The following SCAPER variants were observed in gnomAD, a reference collection of about 807,000 sequenced individuals.
The protein encoded by SCAPER is S phase cyclin A-associated protein in the endoplasmic reticulum.
In SCAPER, 98 loss-of-function variants were observed where a neutral mutation model predicts 182.2. That is an observed-to-expected ratio of 0.54 (90% CI 0.46 to 0.64). The LOEUF (loss-of-function observed/expected upper bound fraction) is 0.64. Ranked by LOEUF, SCAPER falls within the 30% of genes least tolerant of loss-of-function variation. The probability of loss-of-function intolerance (pLI) is 0.00; values close to 1 mark genes in which losing one functional copy is unlikely to be tolerated. For missense variants in SCAPER, 1,432 were observed against 1,690.0 expected (o/e 0.85, Z 2.68); for synonymous variants, 605 against 564.6 (o/e 1.07, Z -1.01).
At chr15:76,373,034 C>T (rs540266826) in intron 29 of SCAPER, among the ~76,000 whole-genome samples, 1 of 64,918 alleles carries the variant, frequency 1.5e-5, no homozygotes, top group African/African-American at 3.9e-5. Context: ...TCTTTCTTTC[C>T]TTTTTCTTTC....
intron 18 of SCAPER, among the ~76,000 whole-genome samples, chr15:76,705,437 T>C (rs571668129): frequency 2.7e-5 from 4 of 150,286 alleles, no homozygotes; most frequent in East Asian, 2.0e-4. Context: ...TTAGGAGATA[T>C]ACCTAATGCT....
At chr15:76,437,603 C>T (rs763744924) in intron 25 of SCAPER, among the ~76,000 whole-genome samples, 1 of 152,172 alleles carries the variant, frequency 6.6e-6, no homozygotes, top group Non-Finnish European at 1.5e-5. Flanking sequence ...GTTCTTCATT[C>T]ATCACAAATT....
At chr15:76,567,387 C>T (rs1287570949) in intron 23 of SCAPER, 1 of 454,334 alleles carries the variant, frequency 2.2e-6, no homozygotes, top group Admixed American at 2.4e-5. Context: ...ATATGCATTG[C>T]TTTCCATACA....
intron 8 of SCAPER, among the ~76,000 whole-genome samples, chr15:76,788,026 C>T (rs952415570): frequency 6.6e-6 from 1 of 152,140 alleles, no homozygotes; most frequent in Non-Finnish European, 1.5e-5. Flanking sequence ...TAGGCAAAGA[C>T]ATGAGCAAAC....
chr15:76,691,228 TG>T (rs1387725071), intron 20 of SCAPER, among the ~76,000 whole-genome samples: 1 of 151,902 alleles, frequency 6.6e-6, no homozygotes, highest in Non-Finnish European at 1.5e-5. Flanking sequence ...TTGATATAAT[TG>T]GAAAAAAATT....
intron 25 of SCAPER, among the ~76,000 whole-genome samples, chr15:76,452,282 G>A (rs1352548499): frequency 6.6e-6 from 1 of 152,200 alleles, no homozygotes; most frequent in Admixed American, 6.5e-5. Context: ...CCTGGCCTTT[G>A]TGCCTTTCAG....
At chr15:76,538,580 G>A (rs929195943) in intron 23 of SCAPER, among the ~76,000 whole-genome samples, 1 of 152,144 alleles carries the variant, frequency 6.6e-6, no homozygotes, top group Non-Finnish European at 1.5e-5. Context: ...GTCGGGGAGA[G>A]GGGAGGGATA....
At chr15:76,729,417 G>A (rs921741631) in intron 16 of SCAPER, among the ~76,000 whole-genome samples, 3 of 151,238 alleles carry the variant, frequency 2.0e-5, no homozygotes, top group African/African-American at 4.9e-5. Flanking sequence ...CACTTCTAAA[G>A]CCTTGTGTTA....
chr15:76,820,610 G>C (rs2067463461), intron 5 of SCAPER, among the ~76,000 whole-genome samples: 1 of 113,624 alleles, frequency 8.8e-6, no homozygotes, highest in Non-Finnish European at 1.7e-5. Context: ...GAGGGGGGAG[G>C]GATAGCATCA....
chr15:76,475,332 A>AT (rs1322475504), intron 24 of SCAPER, among the ~76,000 whole-genome samples: 1 of 102,358 alleles, frequency 9.8e-6, no homozygotes, highest in South Asian at 2.8e-4. Flanking sequence ...ACTAGCCTTT[A>AT]ATTTTTTTTT....
intron 18 of SCAPER, among the ~76,000 whole-genome samples, chr15:76,704,200 T>G (rs2059120248): frequency 6.6e-6 from 1 of 152,202 alleles, no homozygotes; most frequent in African/African-American, 2.4e-5. Flanking sequence ...TTCAAGTCAT[T>G]AGTAAATTGC....
chr15:76,407,366 A>G (rs1190247109), intron 26 of SCAPER, among the ~76,000 whole-genome samples: 1 of 152,218 alleles, frequency 6.6e-6, no homozygotes, highest in Non-Finnish European at 1.5e-5. Flanking sequence ...CAGGACCGCC[A>G]TTGTATATGT....
chr15:76,394,694 T>C (rs2043930666), intron 27 of SCAPER, among the ~76,000 whole-genome samples: 2 of 152,210 alleles, frequency 1.3e-5, no homozygotes, highest in South Asian at 4.1e-4. Flanking sequence ...AAAATTCATT[T>C]TATGTTTTTA....
chr15:76,544,182 G>A (rs558543630), intron 23 of SCAPER, among the ~76,000 whole-genome samples: 1 of 152,120 alleles, frequency 6.6e-6, no homozygotes, highest in African/African-American at 2.4e-5. Flanking sequence ...TAACAAGGAC[G>A]TAGAAAAATG....
chr15:76,529,317 A>C (rs1363464587), intron 23 of SCAPER, among the ~76,000 whole-genome samples: 1 of 152,202 alleles, frequency 6.6e-6, no homozygotes, highest in Admixed American at 6.5e-5. Context: ...AAGTGATGGG[A>C]ATACAGGTGT....
chr15:76,719,976 C>A (rs112632235), intron 17 of SCAPER, among the ~76,000 whole-genome samples: 3 of 151,232 alleles, frequency 2.0e-5, no homozygotes, highest in East Asian at 1.9e-4. Flanking sequence ...ATGTGCACAA[C>A]GTGCAGGTTT....
intron 5 of SCAPER, among the ~76,000 whole-genome samples, chr15:76,841,060 C>A (rs1427282883): frequency 2.0e-5 from 3 of 152,094 alleles, no homozygotes; most frequent in Non-Finnish European, 4.4e-5. Context: ...CTCACTAGTG[C>A]CATCTACAGC....
chr15:76,504,530 A>G (rs115127117), intron 24 of SCAPER, among the ~76,000 whole-genome samples: 236 of 152,270 alleles, frequency 1.5e-3, no homozygotes, highest in African/African-American at 5.5e-3. Flanking sequence ...CACATGTAAC[A>G]CAGTAAGTTA....
intron 21 of SCAPER, among the ~76,000 whole-genome samples, chr15:76,646,435 C>T (rs2054554303): frequency 1.3e-5 from 2 of 152,170 alleles, no homozygotes; most frequent in South Asian, 2.1e-4. Flanking sequence ...AGCTATTATA[C>T]AGTGAAAAAC....
Sources: gnomAD v4.1 joint callset for allele counts (sites outside exome capture counted in the v4.1 genomes callset) on GRCh38, gnomAD v4.1.1 for gene constraint, MANE v1.5 for transcripts, NCBI Gene and HGNC (gene_info 2026-07-23, HGNC 2026-07-21) for gene names.